The following MSRA variants were observed in gnomAD, a reference collection of about 807,000 sequenced individuals.
MSRA encodes mitochondrial peptide methionine sulfoxide reductase.
Under a neutral mutation model 31.3 loss-of-function variants are expected in MSRA, and 54 were observed. The ratio of observed to expected loss-of-function variants is 1.73; its 90% CI spans 1.39 to 2.17. The LOEUF is 2.17. Among genes scored for constraint, MSRA ranks in the 30% most tolerant of loss-of-function variants. MSRA has a pLI of 0.00. For synonymous variants in MSRA, 169 were observed against 116.5 expected, an observed-to-expected ratio of 1.45 and a Z score of -2.90; for missense variants, 507 against 300.9, an observed-to-expected ratio of 1.69 and a Z score of -5.07.
intron 1 of MSRA, among the ~76,000 whole-genome samples, chr8:10,192,399 A>T (rs1807585194): frequency 2.0e-5 from 3 of 152,212 alleles, no homozygotes; most frequent in Admixed American, 1.3e-4. Context: ...CCTTCAGATG[A>T]GACCGCAGCC....
chr8:10,078,209 C>A (rs1192328534), intron 1 of MSRA, among the ~76,000 whole-genome samples: 1 of 152,204 alleles, frequency 6.6e-6, no homozygotes, highest in East Asian at 1.9e-4. Context: ...ATTTCCTTTT[C>A]TGCTTTTTCT....
chr8:10,064,104 C>G (rs1029840229), intron 1 of MSRA, among the ~76,000 whole-genome samples: 1 of 152,128 alleles, frequency 6.6e-6, no homozygotes, highest in Non-Finnish European at 1.5e-5. Flanking sequence ...TAGTCATTTC[C>G]CCCGCTGTGT....
At chr8:10,423,712 G>A (rs1417006573) in intron 5 of MSRA, among the ~76,000 whole-genome samples, 1 of 152,168 alleles carries the variant, frequency 6.6e-6, no homozygotes, top group Non-Finnish European at 1.5e-5. Context: ...TCTAAAGACT[G>A]AACCTGCCCA....
At chr8:10,327,992 T>C (rs896297560) in intron 5 of MSRA, among the ~76,000 whole-genome samples, 3 of 151,482 alleles carry the variant, frequency 2.0e-5, no homozygotes, top group South Asian at 2.1e-4. Context: ...ATTGCTGCTT[T>C]TCTTTAGCAT....
chr8:10,180,948 C>T (rs945155540), intron 1 of MSRA, among the ~76,000 whole-genome samples: 2 of 152,200 alleles, frequency 1.3e-5, no homozygotes, highest in Non-Finnish European at 2.9e-5. Flanking sequence ...GACTTTACCT[C>T]TTGTGTATGA....
chr8:10,110,306 T>C (rs1800186468), intron 1 of MSRA, among the ~76,000 whole-genome samples: 1 of 152,220 alleles, frequency 6.6e-6, no homozygotes, highest in Non-Finnish European at 1.5e-5. Flanking sequence ...CCCCATTCTT[T>C]ATTATTTCTG....
At chr8:10,382,967 G>T (rs900422747) in intron 5 of MSRA, among the ~76,000 whole-genome samples, 10 of 152,204 alleles carry the variant, frequency 6.6e-5, no homozygotes, top group African/African-American at 2.4e-4. Context: ...TTCTCCTGCA[G>T]TGCTGGATGT....
chr8:10,319,514 A>G (rs567821676), intron 4 of MSRA, among the ~76,000 whole-genome samples: 7 of 152,226 alleles, frequency 4.6e-5, no homozygotes, highest in African/African-American at 1.4e-4. Flanking sequence ...CCATACAGGT[A>G]TCTCCTTAGG....
intron 5 of MSRA, among the ~76,000 whole-genome samples, chr8:10,404,865 C>T (rs2129185456): frequency 6.6e-6 from 1 of 152,312 alleles, no homozygotes; most frequent in Non-Finnish European, 1.5e-5. Context: ...ACGGCATCCT[C>T]CCCAGTCTCC....
At chr8:10,267,608 C>A (rs1339186901) in intron 3 of MSRA, among the ~76,000 whole-genome samples, 1 of 151,952 alleles carries the variant, frequency 6.6e-6, no homozygotes, top group Non-Finnish European at 1.5e-5. Context: ...TGCTTCTAGC[C>A]CAGAAGTGTG....
chr8:10,342,832 C>T (rs757949456), intron 5 of MSRA, among the ~76,000 whole-genome samples: 39 of 152,316 alleles, frequency 2.6e-4, no homozygotes, highest in African/African-American at 8.4e-4. Context: ...GACCAGGCTC[C>T]GGTGAAAGAC....
chr8:10,380,781 G>A (rs761321188), intron 5 of MSRA, among the ~76,000 whole-genome samples: 11 of 152,084 alleles, frequency 7.2e-5, no homozygotes, highest in Non-Finnish European at 1.3e-4. Context: ...TGGATGGATG[G>A]ATGAACAGAC....
intron 1 of MSRA, among the ~76,000 whole-genome samples, chr8:10,120,889 A>G (rs569179412): frequency 1.2e-4 from 19 of 152,208 alleles, no homozygotes; most frequent in Non-Finnish European, 1.9e-4. Context: ...ATGTTTACCA[A>G]GAGTCTCCTG....
chr8:10,062,700 G>T (rs986649326), intron 1 of MSRA, among the ~76,000 whole-genome samples: 2 of 152,176 alleles, frequency 1.3e-5, no homozygotes, highest in African/African-American at 4.8e-5. Context: ...ATCGGGGTTT[G>T]GGGGCTCCGG....
chr8:10,386,844 A>T (rs983297451), intron 5 of MSRA, among the ~76,000 whole-genome samples: 1 of 148,544 alleles, frequency 6.7e-6, no homozygotes, highest in African/African-American at 2.5e-5. Context: ...GAACCCTTTG[A>T]GGAGACTCTT....
intron 5 of MSRA, among the ~76,000 whole-genome samples, chr8:10,426,251 G>A (rs3750313): frequency 0.22 from 33,252 of 152,116 alleles, 3,917 homozygotes; most frequent in East Asian, 0.3. Context: ...TGTGTGAGCT[G>A]GGGCCCGGTC....
intron 5 of MSRA, among the ~76,000 whole-genome samples, chr8:10,331,499 T>A (rs1802697845): frequency 6.6e-6 from 1 of 152,232 alleles, no homozygotes; most frequent in Non-Finnish European, 1.5e-5. Context: ...GACTTGCCTA[T>A]GAGGAAACTG....
chr8:10,323,056 C>G (rs190239784), intron 5 of MSRA, among the ~76,000 whole-genome samples: 4 of 148,342 alleles, frequency 2.7e-5, no homozygotes, highest in African/African-American at 5.0e-5. Context: ...CATTACTAAA[C>G]TCCAGCCTGG....
At chr8:10,260,687 T>G (rs575800696) in intron 3 of MSRA, among the ~76,000 whole-genome samples, 1 of 152,198 alleles carries the variant, frequency 6.6e-6, no homozygotes, top group South Asian at 2.1e-4. Context: ...AACAGCAGTT[T>G]GCATTGGTGG....
Sources: gnomAD v4.1 joint callset for allele counts (sites outside exome capture counted in the v4.1 genomes callset) on GRCh38, gnomAD v4.1.1 for gene constraint, MANE v1.5 for transcripts, NCBI Gene and HGNC (gene_info 2026-07-23, HGNC 2026-07-21) for gene names.